The following UNC13C variants were observed in gnomAD, a reference collection of about 807,000 sequenced individuals.
The protein encoded by UNC13C is protein unc-13 homolog C.
In UNC13C, 174 loss-of-function variants were observed where a neutral mutation model predicts 245.4. The ratio of observed to expected loss-of-function variants is 0.71; its 90% confidence interval spans 0.63 to 0.80. The LOEUF (loss-of-function observed/expected upper bound fraction) is 0.80, where lower values mean the gene tolerates loss of function less well. UNC13C is among the 30% of genes least tolerant of loss of function. UNC13C has a pLI of 0.00. For synonymous variants in UNC13C, 992 were observed against 895.1 expected (o/e 1.11, Z -1.93); for missense variants, 2,829 against 2,602.9 (o/e 1.09, Z -1.89).
chr15:54,198,373 A>G (rs1217271741), intron 4 of UNC13C, among the ~76,000 whole-genome samples: 1 of 152,078 alleles, frequency 6.6e-6, no homozygotes, highest in East Asian at 1.9e-4. Flanking sequence ...TACTCTTGAA[A>G]ACACCACCTC....
chr15:53,975,769 A>G (rs1893676568), upstream of UNC13C, among the ~76,000 whole-genome samples: 1 of 152,198 alleles, frequency 6.6e-6, no homozygotes, highest in African/African-American at 2.4e-5. Context: ...TTGGGGTATG[A>G]GAGGTGAATG....
At chr15:54,322,243 T>A in intron 14 of UNC13C, 148 bp downstream of exon 14, 1 of 669,644 alleles carries the variant, frequency 1.5e-6, no homozygotes, top group Non-Finnish European at 2.3e-6. Context: ...AAAGTTCATT[T>A]GAAACATTTT....
intron 17 of UNC13C, among the ~76,000 whole-genome samples, chr15:54,377,456 C>G (rs79582012): frequency 6.6e-6 from 1 of 152,312 alleles, no homozygotes; most frequent in Non-Finnish European, 1.5e-5. Flanking sequence ...CAGCCTCTGT[C>G]ATGATTGGAG....
At chr15:54,277,172 A>G (rs891781780) in intron 10 of UNC13C, among the ~76,000 whole-genome samples, 26 of 152,222 alleles carry the variant, frequency 1.7e-4, no homozygotes, top group Admixed American at 1.5e-3. Flanking sequence ...CAGCATCTCC[A>G]CAATGTTTTC....
intron 10 of UNC13C, among the ~76,000 whole-genome samples, chr15:54,280,455 A>G (rs2036946946): frequency 6.6e-6 from 1 of 151,466 alleles, no homozygotes; most frequent in Non-Finnish European, 1.5e-5. Context: ...ATAACTTTCT[A>G]TTAAAATATT....
intron 17 of UNC13C, among the ~76,000 whole-genome samples, chr15:54,347,564 A>G (rs188402840): frequency 8.3e-4 from 126 of 152,336 alleles, no homozygotes; most frequent in African/African-American, 3.0e-3. Flanking sequence ...AAGGTTTGTA[A>G]CTAAAAACAG....
chr15:53,872,850 G>A, the UNC13C span, among the ~76,000 whole-genome samples: 4 of 152,230 alleles, frequency 2.6e-5, no homozygotes, highest in Admixed American at 1.3e-4. Flanking sequence ...GTTGTTGGGG[G>A]CACACACATT....
At chr15:54,572,394 A>C (rs1334925492) in intron 30 of UNC13C, among the ~76,000 whole-genome samples, 1 of 151,830 alleles carries the variant, frequency 6.6e-6, no homozygotes, top group Non-Finnish European at 1.5e-5. Context: ...TTATGATCAT[A>C]AAACCCAAAG....
At chr15:54,543,631 G>A (rs560936698) in intron 26 of UNC13C, among the ~76,000 whole-genome samples, 1 of 152,214 alleles carries the variant, frequency 6.6e-6, no homozygotes, top group Non-Finnish European at 1.5e-5. Context: ...TGATCCCACA[G>A]AAATACAAAC....
At chr15:54,115,970 T>C (rs1469880399) in intron 2 of UNC13C, among the ~76,000 whole-genome samples, 3 of 127,896 alleles carry the variant, frequency 2.3e-5, no homozygotes, top group Admixed American at 7.6e-5. Context: ...TGCCACCTCA[T>C]TGGGTTATTT....
At position 54,237,698 on chromosome 15, in the gene UNC13C, C is replaced by A. The variant is rs376385714; in HGVS notation, c.3228+8C>A. 1 of 1,595,812 alleles carries A rather than the reference C, an allele frequency of 6.3e-7. No homozygotes were observed. Among genetic ancestry groups the A allele is most frequent in the Non-Finnish European group, 8.6e-7 (1 of 1,167,280 alleles). On this transcript the variant is annotated splice_region_variant and intron_variant, in intron 7 of 32. Coordinates refer to ENST00000260323, the MANE Select transcript of UNC13C (RefSeq NM_001080534.3). ...CTAAATAATGAGGAACTGGTAAGTA[C>A]TAGATATTGCTCATAATATCTAACT...
At position 54,197,553 on chromosome 15, in the gene UNC13C, G is replaced by A. The variant is rs146244796; in HGVS notation, c.3072-37477G>A. Among the ~76,000 whole-genome samples, 407 of 152,192 alleles carry A rather than the reference G, an allele frequency of 2.7e-3. 4 individuals carry two copies. The highest frequency in any genetic ancestry group is 6.8e-3 in the Middle Eastern group (2 of 292). ...ACTCAATTGCATGATTACATTTTAA[G>A]CACATCTCTGTAAGGAGGCTTTGAG... On this transcript the variant is annotated intron_variant, in intron 4 of 32. Transcript: ENST00000260323.
At chr15:54,493,136 T>G (rs1356858) in intron 19 of UNC13C, among the ~76,000 whole-genome samples, 47,831 of 152,062 alleles carry the variant, frequency 0.31, 8,050 homozygotes, top group East Asian at 0.53. Flanking sequence ...GTGTGAAATT[T>G]CTACCTGAGT....
chr15:54,013,437 G>A lies in UNC13C; in HGVS notation c.534G>A (p.Leu178=). ...AGCGTACTCTACATGGCTTAAAACT[G>A]GGAGCTTTACGAAAACTGAGAAAAT... ...DGERTLHGLK[L]GALRKLRKWK... is the part of the protein sequence containing the mutation. The change falls in exon 2 of 33, where the codon CTG becomes CTA. Residue 178 remains leucine, a synonymous_variant. Coordinates refer to ENST00000260323, the MANE Select transcript of UNC13C (RefSeq NM_001080534.3). 6.2e-7 allele frequency: 1 copy of A among 1,613,846 alleles called. No homozygotes were observed. Among genetic ancestry groups the A allele is most frequent in the Non-Finnish European group, 8.5e-7 (1 of 1,179,870 alleles).
chr15:54,575,730 A>G (rs1438814387), intron 30 of UNC13C, among the ~76,000 whole-genome samples: 1 of 152,246 alleles, frequency 6.6e-6, no homozygotes, highest in African/African-American at 2.4e-5. Context: ...ATATTGGCTA[A>G]GCTTGTCAGA....
chr15:54,306,483 A>G lies in UNC13C; in HGVS notation c.4268+6110A>G, dbSNP rs574598502. On this transcript the variant is annotated intron_variant, in intron 13 of 32. Transcript: ENST00000260323. The stretch of plus-strand genomic sequence containing the variant: ...GGCATAGAACTTGTTTCCATCATCA[A>G]TATTTTGGGAGTTCTTGATGCTTTT... 2.0e-5 allele frequency among the ~76,000 whole-genome samples: 3 copies of G among 152,052 alleles called. No individual in the cohort carries two copies. In the East Asian group the frequency reaches 5.8e-4, roughly 30 times the overall value.
chr15:54,073,046 G>A (rs960280745), intron 2 of UNC13C, among the ~76,000 whole-genome samples: 2 of 151,334 alleles, frequency 1.3e-5, no homozygotes, highest in Non-Finnish European at 2.9e-5. Flanking sequence ...TCCACCCCCC[G>A]ACAGGCCCTG....
At chr15:54,606,561 C>A (rs770513552) in intron 30 of UNC13C, among the ~76,000 whole-genome samples, 34 of 152,146 alleles carry the variant, frequency 2.2e-4, no homozygotes, top group Admixed American at 1.4e-3. Flanking sequence ...AGAGCAAGTA[C>A]GCATTAGAGA....
intron 14 of UNC13C, among the ~76,000 whole-genome samples, chr15:54,323,743 C>T (rs930278799): frequency 6.6e-6 from 1 of 151,988 alleles, no homozygotes; most frequent in Non-Finnish European, 1.5e-5. Flanking sequence ...TTATAAAAAC[C>T]TCATCTTAGT....
Sources: gnomAD v4.1 joint callset for allele counts (sites outside exome capture counted in the v4.1 genomes callset) on GRCh38, gnomAD v4.1.1 for gene constraint, MANE v1.5 for transcripts, NCBI Gene and HGNC (gene_info 2026-07-23, HGNC 2026-07-21) for gene names.